TMEFF2: variants seen among roughly 807,000 people sequenced by gnomAD.
TMEFF2 encodes the protein tomoregulin-2.
A neutral mutation model predicts 53.8 loss-of-function variants in TMEFF2; 28 were observed. The observed-to-expected ratio is 0.52, with a 90% CI of 0.39 to 0.71. The LOEUF is 0.71. Among genes scored for constraint, TMEFF2 ranks in the 30% least tolerant of loss-of-function variants. The pLI is 0.00. For missense variants in TMEFF2, 353 were observed against 455.2 expected, an observed-to-expected ratio of 0.78 and a Z score of 2.04; for synonymous variants, 162 against 166.3, an observed-to-expected ratio of 0.97 and a Z score of 0.20.
intron 7 of TMEFF2, among the ~76,000 whole-genome samples, chr2:191,992,137 G>A (rs969537401): frequency 5.3e-5 from 8 of 152,012 alleles, no homozygotes; most frequent in African/African-American, 1.9e-4. Context: ...TAGTCTGGTG[G>A]CACTGTAATA....
At chr2:191,963,358 T>G (rs1436370933) in intron 7 of TMEFF2, among the ~76,000 whole-genome samples, 1 of 152,200 alleles carries the variant, frequency 6.6e-6, no homozygotes, top group Admixed American at 6.5e-5. Flanking sequence ...CCTTTCTTAG[T>G]GAGCTTCATT....
At chr2:192,078,025 TAA>T (rs1688473717) in intron 4 of TMEFF2, among the ~76,000 whole-genome samples, 1 of 152,124 alleles carries the variant, frequency 6.6e-6, no homozygotes, top group African/African-American at 2.4e-5. Context: ...AGTCTTTTTT[TAA>T]AAAGCAAAAA....
chr2:192,146,969 T>G (rs1454629091), intron 4 of TMEFF2, among the ~76,000 whole-genome samples: 2 of 152,106 alleles, frequency 1.3e-5, no homozygotes, highest in African/African-American at 4.8e-5. Context: ...TTTCAAGACT[T>G]CATACACAGC....
intron 7 of TMEFF2, among the ~76,000 whole-genome samples, chr2:191,989,794 G>GC (rs1250671213): frequency 1.3e-5 from 2 of 151,908 alleles, no homozygotes; most frequent in African/African-American, 4.8e-5. Context: ...CCATTTCTCT[G>GC]CCCCCCAACT....
intron 5 of TMEFF2, among the ~76,000 whole-genome samples, chr2:192,013,489 C>A (rs1024647345): frequency 2.0e-5 from 3 of 150,836 alleles, no homozygotes. Flanking sequence ...CTCGCTCTAT[C>A]CCCCAGGCTG....
At position 191,950,257 on chromosome 2, in the gene TMEFF2, T is replaced by C. The variant is rs1484324404; in HGVS notation, c.*54A>G. On this transcript the variant is annotated 3_prime_UTR_variant, in exon 10 of 10. Coordinates refer to ENST00000272771, the MANE Select transcript of TMEFF2 (RefSeq NM_016192.4). ...TGTCTTATTCTTTTGTCTATAATAC[T>C]GTATTGTGTAGTCCAAGCTCTCGGT... 1.4e-5 allele frequency: 22 copies of C among 1,602,726 alleles called. No individual in the cohort carries two copies. Among genetic ancestry groups the C allele is most frequent in the Non-Finnish European group, 1.9e-5 (22 of 1,174,858 alleles).
intron 4 of TMEFF2, among the ~76,000 whole-genome samples, chr2:192,145,079 A>C (rs992005842): frequency 1.3e-5 from 2 of 151,972 alleles, no homozygotes; most frequent in African/African-American, 4.8e-5. Context: ...AAATTTTCTA[A>C]GGATGTAAAT....
In TMEFF2 at chr2:192,194,357, G is replaced by A; in HGVS notation, c.168C>T (p.Cys56=). The A allele has an allele frequency of 1.2e-6, 2 of 1,614,130 alleles. No individual in the cohort carries two copies. Among genetic ancestry groups the A allele is most frequent in the African/African-American group, 1.3e-5 (1 of 75,052 alleles). Residue 56 remains cysteine, a synonymous_variant, in exon 1 of 10, where the codon TGC becomes TGT. Transcript: ENST00000272771. This position sits in a 1 kb window ranked among gnomAD's most constrained non-coding sequence, Gnocchi z 4.2. The part of the protein sequence containing the change: ...SDCQTPTGWN[C]SGYDDRENDL... ...GGACGGGGGTTCTGGACTTACCAGA[G>A]CAATTCCAGCCGGTGGGCGTTTGGC...
chr2:192,115,208 A>C (rs539428335), intron 4 of TMEFF2, among the ~76,000 whole-genome samples: 1 of 152,164 alleles, frequency 6.6e-6, no homozygotes, highest in Non-Finnish European at 1.5e-5. Flanking sequence ...ATGGTAATCA[A>C]AACAACATGG....
chr2:192,104,526 AT>A (rs1451724797), intron 4 of TMEFF2, among the ~76,000 whole-genome samples: 1 of 152,168 alleles, frequency 6.6e-6, no homozygotes, highest in Non-Finnish European at 1.5e-5. Context: ...TAAAATGGTA[AT>A]AAAAAATAGA....
chr2:192,124,625 T>G (rs1170576964), intron 4 of TMEFF2, among the ~76,000 whole-genome samples: 1 of 152,214 alleles, frequency 6.6e-6, no homozygotes, highest in East Asian at 1.9e-4. Context: ...TTCAAATTTA[T>G]GTGGTCAACC....
intron 8 of TMEFF2, among the ~76,000 whole-genome samples, chr2:191,954,722 C>T (rs7604868): frequency 0.71 from 108,592 of 152,014 alleles, 38,981 homozygotes; most frequent in East Asian, 0.93. Context: ...GTAAGTATGA[C>T]GTAGGCAACA....
At chr2:192,165,362 G>T (rs1216146444) in intron 4 of TMEFF2, among the ~76,000 whole-genome samples, 1 of 152,118 alleles carries the variant, frequency 6.6e-6, no homozygotes, top group Non-Finnish European at 1.5e-5. Context: ...AGAAATGGAG[G>T]TGATATGTCT....
At chr2:192,156,162 C>T (rs370766770) in intron 4 of TMEFF2, among the ~76,000 whole-genome samples, 1 of 152,126 alleles carries the variant, frequency 6.6e-6, no homozygotes, top group East Asian at 1.9e-4. Context: ...AACCTCTGCC[C>T]TCTTGCAGCT....
At chr2:192,075,285 T>TTATATA (rs111733023) in intron 4 of TMEFF2, among the ~76,000 whole-genome samples, 51 of 65,736 alleles carry the variant, frequency 7.8e-4, no homozygotes, top group African/African-American at 2.5e-3. Flanking sequence ...TACAGTACTA[T>TTATATA]TATATATATA....
chr2:191,960,492 C>G (rs1692240724), intron 7 of TMEFF2, among the ~76,000 whole-genome samples: 1 of 152,132 alleles, frequency 6.6e-6, no homozygotes, highest in Non-Finnish European at 1.5e-5. Context: ...TCATCCCACT[C>G]AATTCTGAAG....
intron 5 of TMEFF2, among the ~76,000 whole-genome samples, chr2:192,055,619 A>C (rs1191914083): frequency 1.3e-5 from 2 of 151,862 alleles, no homozygotes; most frequent in Admixed American, 1.3e-4. Flanking sequence ...TACTAAAAAT[A>C]CAAAAATTAG....
At chr2:192,189,555 CAAA>C (rs58455898) in intron 2 of TMEFF2, among the ~76,000 whole-genome samples, 3 of 41,102 alleles carry the variant, frequency 7.3e-5, no homozygotes. Context: ...CCAAAAATTC[CAAA>C]AAAAAAAAAA....
chr2:192,056,397 G>A (rs988263158), intron 5 of TMEFF2, among the ~76,000 whole-genome samples: 1 of 151,822 alleles, frequency 6.6e-6, no homozygotes, highest in African/African-American at 2.4e-5. Flanking sequence ...AAGTGGAAGA[G>A]GAAGAAGAGG....
Sources: gnomAD v4.1 joint callset for allele counts (sites outside exome capture counted in the v4.1 genomes callset) on GRCh38, gnomAD v4.1.1 for gene constraint, Gnocchi (gnomAD v3.1) non-coding constraint, MANE v1.5 for transcripts, NCBI Gene and HGNC (gene_info 2026-07-23, HGNC 2026-07-21) for gene names.